The following NEK5 variants were observed in gnomAD, a reference collection of about 807,000 sequenced individuals.
The protein encoded by NEK5 is NIMA related kinase 5, also known as serine/threonine-protein kinase Nek5.
Under a neutral mutation model 109.2 loss-of-function variants are expected in NEK5, and 88 were observed. The observed-to-expected ratio is 0.81, with a 90% CI of 0.68 to 0.96. NEK5 has a LOEUF of 0.96. Among genes scored for constraint, NEK5 ranks in the 40% least tolerant of loss-of-function variants. The pLI, the probability that NEK5 is intolerant of heterozygous loss-of-function variation, is 0.00. For missense variants in NEK5, 834 were observed against 920.7 expected (o/e 0.91, Z 1.22); for synonymous variants, 283 against 299.9 (o/e 0.94, Z 0.58).
At chr13:52,075,463 C>T (rs1341064225) in intron 19 of NEK5, among the ~76,000 whole-genome samples, 2 of 151,988 alleles carry the variant, frequency 1.3e-5, no homozygotes, top group African/African-American at 2.4e-5. Context: ...ATAAAGATAG[C>T]AACAATAGAT....
At chr13:52,050,720 C>CTTTTTTTT (rs772811272) in intron 22 of NEK5, among the ~76,000 whole-genome samples, 1 of 99,950 alleles carries the variant, frequency 1.0e-5, no homozygotes, top group Non-Finnish European at 2.1e-5. Flanking sequence ...TTGTTTTTTT[C>CTTTTTTTT]TTTTTTTTTT....
At chr13:52,126,072 C>A (rs900121502) in intron 3 of NEK5, among the ~76,000 whole-genome samples, 2 of 152,070 alleles carry the variant, frequency 1.3e-5, no homozygotes, top group African/African-American at 4.8e-5. Context: ...TATGGTGTAA[C>A]TTGGGTAGTC....
At chr13:52,126,704 C>T (rs185033192) in intron 3 of NEK5, among the ~76,000 whole-genome samples, 17 of 152,190 alleles carry the variant, frequency 1.1e-4, no homozygotes, top group East Asian at 9.7e-4. Flanking sequence ...GCTTGAATCC[C>T]GGAGGTGGAG....
chr13:52,110,651 A>G, intron 5 of NEK5, 74 bp from the exon 6 acceptor site: 1 of 818,708 alleles, frequency 1.2e-6, no homozygotes. Context: ...TAACATGCAA[A>G]AAGATAGAAA....
chr13:52,106,543 ATC>A (rs1566809247), intron 8 of NEK5, among the ~76,000 whole-genome samples: 1 of 152,110 alleles, frequency 6.6e-6, no homozygotes, highest in Non-Finnish European at 1.5e-5. Context: ...AGGCGGGCAG[ATC>A]ACCTGAGGTC....
intron 3 of NEK5, among the ~76,000 whole-genome samples, chr13:52,121,541 A>G (rs1013955030): frequency 6.6e-6 from 1 of 152,198 alleles, no homozygotes; most frequent in Non-Finnish European, 1.5e-5. Flanking sequence ...ACTTTGTTAC[A>G]GTGTTTTATT....
intron 21 of NEK5, among the ~76,000 whole-genome samples, chr13:52,062,563 G>A (rs1175986296): frequency 6.6e-6 from 1 of 151,864 alleles, no homozygotes; most frequent in East Asian, 1.9e-4. Flanking sequence ...TGGGATTACA[G>A]GTGTGTGCCA....
At chr13:52,127,825 G>A (rs1477890996) in intron 1 of NEK5, among the ~76,000 whole-genome samples, 163 bp from the exon 2 acceptor site, 1 of 152,240 alleles carries the variant, frequency 6.6e-6, no homozygotes, top group Non-Finnish European at 1.5e-5. Context: ...TTCTGAGAAT[G>A]AAAGATACTA....
chr13:52,091,655 CA>C (rs201469213), intron 13 of NEK5, among the ~76,000 whole-genome samples: 2 of 151,784 alleles, frequency 1.3e-5, no homozygotes, highest in South Asian at 2.1e-4. Flanking sequence ...TAACCCTGAA[CA>C]AAAAAAATTG....
chr13:52,054,166 T>C (rs1197635896), intron 22 of NEK5, among the ~76,000 whole-genome samples: 1 of 152,230 alleles, frequency 6.6e-6, no homozygotes, highest in Non-Finnish European at 1.5e-5. Flanking sequence ...GTATTAACCT[T>C]AGGGCTTTTG....
At chr13:52,078,827 G>A (rs1954915808) in intron 17 of NEK5, among the ~76,000 whole-genome samples, 1 of 152,186 alleles carries the variant, frequency 6.6e-6, no homozygotes, top group African/African-American at 2.4e-5. Context: ...ATTGGGGTTG[G>A]AATCTGAGAT....
intron 16 of NEK5, among the ~76,000 whole-genome samples, chr13:52,084,756 AGAGAGAGTGT>A (rs1379958914): frequency 0.021 from 1,085 of 51,658 alleles, 2 homozygotes; most frequent in Non-Finnish European, 0.033. Context: ...AGAGAGAGAG[AGAGAGAGTGT>A]GTGTGTGTGT....
chr13:52,064,642 CG>C (rs1214371498), intron 21 of NEK5: 1 of 228,946 alleles, frequency 4.4e-6, no homozygotes, highest in African/African-American at 2.4e-5. Flanking sequence ...TCATTGAGAA[CG>C]GGCCGGGATG....
chr13:52,101,399 C>T (rs141380768), intron 11 of NEK5, among the ~76,000 whole-genome samples: 2,565 of 149,968 alleles, frequency 0.017, 59 homozygotes, highest in African/African-American at 0.059. Context: ...GACTCCGTCT[C>T]GGAAAAAAAA....
chr13:52,044,879 C>A (rs1954443069), intron 23 of NEK5, among the ~76,000 whole-genome samples: 2 of 152,062 alleles, frequency 1.3e-5, no homozygotes, highest in Admixed American at 1.3e-4. Flanking sequence ...GGCAAGGAGG[C>A]TAAGAAAACT....
chr13:52,063,005 ACTATT>A (rs1281001913), intron 21 of NEK5, among the ~76,000 whole-genome samples: 1 of 152,024 alleles, frequency 6.6e-6, no homozygotes, highest in Non-Finnish European at 1.5e-5. Flanking sequence ...GTAATAACAT[ACTATT>A]AAGAATGACA....
At chr13:52,101,891 G>T in intron 11 of NEK5, 42 bp downstream of exon 11, 2 of 1,431,568 alleles carry the variant, frequency 1.4e-6, no homozygotes, top group Non-Finnish European at 2.0e-6. Context: ...TGTGAGACAT[G>T]TGTAATAAAT....
rs760368724 is a variant in NEK5, at chr13:52,119,434, C to T, written c.118-19G>A. The T allele has an allele frequency of 1.5e-6, 2 of 1,327,956 alleles. No individual in the cohort carries two copies. Among genetic ancestry groups the T allele is most frequent in the Admixed American group, 3.6e-5 (2 of 56,194 alleles). 82.3% of individuals were successfully genotyped at this position (1,327,956 alleles called of 1,614,324 possible). A position where few individuals can be genotyped will look rare whatever the true frequency, so the allele number is the denominator to read the frequency against. Reference sequence around the variant, plus strand: ...TGGGCATCTAAATTACATTAAGAGACAGAGTAGTCTATAAAGCTAACTTGG... The same window carrying T: ...TGGGCATCTAAATTACATTAAGAGATAGAGTAGTCTATAAAGCTAACTTGG... On this transcript the variant is annotated intron_variant, in intron 3 of 23. Coordinates refer to ENST00000684899, the MANE Select transcript of NEK5 (RefSeq NM_001365552.1).
intron 4 of NEK5, among the ~76,000 whole-genome samples, chr13:52,114,489 T>C (rs1955812945): frequency 6.6e-6 from 1 of 152,350 alleles, no homozygotes; most frequent in East Asian, 1.9e-4. Context: ...CAATTTTTCC[T>C]CCTCTCTTCT....
Sources: allele counts gnomAD v4.1 joint callset (sites outside exome capture counted in the v4.1 genomes callset), GRCh38; gene constraint gnomAD v4.1.1; transcripts MANE v1.5; gene names NCBI Gene and HGNC (gene_info 2026-07-23, HGNC 2026-07-21).